Variants in COPS8 observed in about 807,000 individuals in gnomAD.
COPS8 encodes the protein COP9 signalosome complex subunit 8.
A neutral mutation model predicts 31.5 loss-of-function variants in COPS8; 11 were observed. The observed-to-expected ratio is 0.35, with a 90% CI of 0.22 to 0.58. The LOEUF (loss-of-function observed/expected upper bound fraction) is 0.58. Ranked by LOEUF, COPS8 falls within the 20% of genes least tolerant of loss-of-function variation. The pLI is 0.83. For synonymous variants in COPS8, 81 were observed against 89.3 expected, an observed-to-expected ratio of 0.91 and a Z score of 0.52; for missense variants, 215 against 255.1, an observed-to-expected ratio of 0.84 and a Z score of 1.07.
In COPS8 at chr2:237,099,290, A is replaced by G. The variant is rs998152379; in HGVS notation, c.*1548A>G. On this transcript the variant is annotated 3_prime_UTR_variant, in exon 8 of 8. Coordinates refer to ENST00000354371, the MANE Select transcript of COPS8 (RefSeq NM_006710.5). ...ATTATATATATGTACATATTTCCTTATATTTCAAAACTAAGCAATTGGGGG... is the reference window on the plus strand; with the variant it reads ...ATTATATATATGTACATATTTCCTTGTATTTCAAAACTAAGCAATTGGGGG... 1 of 152,198 alleles carries G rather than the reference A, an allele frequency of 6.6e-6. No individual in the cohort carries two copies. Among genetic ancestry groups the G allele is most frequent in the Admixed American group, 6.5e-5 (1 of 15,284 alleles). 9.4% of individuals were successfully genotyped at this position (152,198 alleles called of 1,614,324 possible).
At position 237,099,512 on chromosome 2, in the gene COPS8, TATC is replaced by T. The variant is rs1696859659; in HGVS notation, c.*1771_*1773del. On this transcript the variant is annotated 3_prime_UTR_variant, in exon 8 of 8. Transcript: ENST00000354371. ...CATGATTAATTTCACAAAATCTTGA[TATC>T]TTTTTTATTATTAAAAGTATAGATT... 1.3e-5 allele frequency: 2 copies of T among 151,968 alleles called. No homozygotes were observed. Among genetic ancestry groups the T allele is most frequent in the African/African-American group, 4.8e-5 (2 of 41,310 alleles). The allele number at this position is 151,968 out of a possible 1,614,324, so 9.4% of individuals were successfully genotyped here. A position where few individuals can be genotyped will look rare whatever the true frequency, so the allele number is the denominator to read the frequency against.
intron 1 of COPS8, among the ~76,000 whole-genome samples, chr2:237,086,424 A>G (rs1342386181): frequency 6.8e-6 from 1 of 147,976 alleles, no homozygotes; most frequent in Admixed American, 6.7e-5. Flanking sequence ...ACCGCAACTC[A>G]CACGCACACC....
intron 2 of COPS8, among the ~76,000 whole-genome samples, chr2:237,087,769 A>G (rs1387461234): frequency 6.6e-6 from 1 of 152,134 alleles, no homozygotes; most frequent in Non-Finnish European, 1.5e-5. Flanking sequence ...CGTCTGTCCT[A>G]AAAATACAAA....
At position 237,100,045 on chromosome 2, in the gene COPS8, G is replaced by T. The variant is rs1574840871; in HGVS notation, c.*2303G>T. ...ATCAGTTCTCAGGACAAATTGATAT[G>T]CTGCCAATCTCTAAAGCAACAAAAT... On this transcript the variant is annotated 3_prime_UTR_variant, in exon 8 of 8. Coordinates refer to ENST00000354371, the MANE Select transcript of COPS8 (RefSeq NM_006710.5). 6.6e-6 allele frequency: 1 copy of T among 152,278 alleles called. No homozygotes were observed. The highest frequency in any genetic ancestry group is 1.9e-4 in the East Asian group (1 of 5,180). 9.4% of individuals were successfully genotyped at this position (152,278 alleles called of 1,614,324 possible). A position where few individuals can be genotyped will look rare whatever the true frequency, so the allele number is the denominator to read the frequency against.
intron 4 of COPS8, 133 bp from the exon 5 acceptor site, chr2:237,093,957 A>C: frequency 7.0e-7 from 1 of 1,432,036 alleles, no homozygotes; most frequent in Non-Finnish European, 9.2e-7. Flanking sequence ...TTGTATCTAT[A>C]AGCACAGAAA....
intron 4 of COPS8, chr2:237,093,609 T>G (rs372280050): frequency 2.5e-6 from 2 of 786,664 alleles, no homozygotes. Context: ...GTCAAGAGTT[T>G]GATGCAGACT....
At chr2:237,086,262 G>C (rs1441649775) in intron 1 of COPS8, among the ~76,000 whole-genome samples, 1 of 152,134 alleles carries the variant, frequency 6.6e-6, no homozygotes, top group Non-Finnish European at 1.5e-5. Context: ...TCTTCAGCTT[G>C]TGAGCCCGAA....
chr2:237,095,846 C>G lies in COPS8; in HGVS notation c.464C>G (p.Ala155Gly), dbSNP rs199507598. The G allele has an allele frequency of 6.2e-7, 1 of 1,613,122 alleles. No individual in the cohort carries two copies. Among genetic ancestry groups the G allele is most frequent in the African/African-American group, 1.3e-5 (1 of 75,024 alleles). The change falls in exon 6 of 8, where the codon GCT (alanine) becomes GGT (glycine). Residue 155 changes from alanine to glycine, a missense_variant. Transcript: ENST00000354371. ...GGCATATTAGAACAAGGATGGCAAGCTGATTCCACCACAAGAATGGTTCTG... is the reference window on the plus strand; with the variant it reads ...GGCATATTAGAACAAGGATGGCAAGGTGATTCCACCACAAGAATGGTTCTG... ...VKGILEQGWQ[A>G]DSTTRMVLPR...
intron 4 of COPS8, among the ~76,000 whole-genome samples, chr2:237,092,503 C>A (rs1696723387): frequency 6.6e-6 from 1 of 152,146 alleles, no homozygotes; most frequent in Middle Eastern, 3.4e-3. Flanking sequence ...ATACAGTTGA[C>A]TTACCAAATG....
At chr2:237,086,658 A>G (rs965903022) in intron 1 of COPS8, 32 of 241,618 alleles carry the variant, frequency 1.3e-4, no homozygotes, top group Non-Finnish European at 1.9e-4. Flanking sequence ...GATAATAGAT[A>G]CTTTCCAGTT....
chr2:237,087,952 C>CAAA (rs199564314), intron 2 of COPS8, among the ~76,000 whole-genome samples: 4 of 99,400 alleles, frequency 4.0e-5, no homozygotes, highest in African/African-American at 6.5e-5. Flanking sequence ...AGCATAACTG[C>CAAA]AAAAAAAAAA....
rs893388121 is a variant in COPS8 at position 237,100,008 on chromosome 2, C to T, written c.*2266C>T. The T allele has an allele frequency of 1.3e-5, 2 of 152,200 alleles. No individual in the cohort carries two copies. The highest frequency in any genetic ancestry group is 2.9e-5 in the Non-Finnish European group (2 of 68,042). The allele number at this position is 152,200 out of a possible 1,614,324, so 9.4% of individuals were successfully genotyped here. A position where few individuals can be genotyped will look rare whatever the true frequency, so the allele number is the denominator to read the frequency against. On this transcript the variant is annotated 3_prime_UTR_variant, in exon 8 of 8. Transcript: ENST00000354371. ...AAGGCAGGGTAAGTGCTTGATTTCA[C>T]TTCCCTTTATTATCAGTTCTCAGGA...
chr2:237,097,830 A>G lies in COPS8; in HGVS notation c.*88A>G. On this transcript the variant is annotated 3_prime_UTR_variant, in exon 8 of 8. Transcript: ENST00000354371. ...AAAGTTTGTATTTTCAATTTATTGG[A>G]TGGCTTAAGCACCTCAGCATTCCTT... 3 of 948,222 alleles carry G rather than the reference A, an allele frequency of 3.2e-6. No homozygotes were observed. The highest frequency in any genetic ancestry group is 2.0e-5 in the Admixed American group (1 of 50,614). 58.7% of individuals were successfully genotyped at this position (948,222 alleles called of 1,614,324 possible).
intron 1 of COPS8, among the ~76,000 whole-genome samples, chr2:237,086,478 C>T (rs898594756): frequency 6.6e-6 from 1 of 152,040 alleles, no homozygotes; most frequent in Non-Finnish European, 1.5e-5. Context: ...CTCACAAAGC[C>T]TTTCTCGTAA....
intron 2 of COPS8, chr2:237,087,488 T>C: frequency 2.5e-6 from 1 of 403,994 alleles, no homozygotes; most frequent in South Asian, 2.5e-5. Context: ...TCTATTTACT[T>C]AACTTCATAT....
chr2:237,094,054 G>T (rs1343525105), intron 4 of COPS8, 36 bp from the exon 5 acceptor site: 1 of 1,605,044 alleles, frequency 6.2e-7, no homozygotes. Flanking sequence ...GCTGCTCCCT[G>T]GTTCACTCTC....
chr2:237,091,210 C>G (rs1696700966), intron 4 of COPS8, among the ~76,000 whole-genome samples: 1 of 152,094 alleles, frequency 6.6e-6, no homozygotes, highest in African/African-American at 2.4e-5. Context: ...TTGAGAATTC[C>G]TGGCAAGCAG....
chr2:237,099,642 C>G lies in COPS8; in HGVS notation c.*1900C>G, dbSNP rs1156669538. On this transcript the variant is annotated 3_prime_UTR_variant, in exon 8 of 8. Transcript: ENST00000354371. ...CTTTGTAAACAGTAAATATTTCCCA[C>G]TCCTGTCTACATGAAAAGGTCTAGA... 6.6e-6 allele frequency: 1 copy of G among 152,044 alleles called. No individual in the cohort carries two copies. Among genetic ancestry groups the G allele is most frequent in the Non-Finnish European group, 1.5e-5 (1 of 68,018 alleles). The allele number at this position is 152,044 out of a possible 1,614,324, so 9.4% of individuals were successfully genotyped here.
rs1696751982 is a variant in COPS8, at chr2:237,094,086, A to G, written c.332-4A>G. The G allele has an allele frequency of 6.2e-7, 1 of 1,612,576 alleles. No homozygotes were observed. The highest frequency in any genetic ancestry group is 1.3e-5 in the African/African-American group (1 of 74,860). On this transcript the variant is annotated splice_polypyrimidine_tract_variant and splice_region_variant and intron_variant, in intron 4 of 7. Coordinates refer to ENST00000354371, the MANE Select transcript of COPS8 (RefSeq NM_006710.5). ...TCTCTGCCAACCCACCACTCCCACA[A>G]TAGATGCAACAAGGAGACGCGCCTT...
Sources: gnomAD v4.1 joint callset for allele counts (sites outside exome capture counted in the v4.1 genomes callset) on GRCh38, gnomAD v4.1.1 for gene constraint, MANE v1.5 for transcripts, NCBI Gene and HGNC (gene_info 2026-07-23, HGNC 2026-07-21) for gene names.